PMPCA: variants seen among roughly 807,000 people sequenced by gnomAD.
PMPCA encodes peptidase, mitochondrial processing subunit alpha, also known as mitochondrial-processing peptidase subunit alpha.
PMPCA carries 47 observed loss-of-function variants against 59.3 expected under a neutral mutation model. That is an observed-to-expected ratio of 0.79 (90% CI 0.63 to 1.01). PMPCA has a LOEUF of 1.01. Among genes scored for constraint, PMPCA ranks in the 50% least tolerant of loss-of-function variants. PMPCA has a pLI of 0.00. For missense variants in PMPCA, 726 were observed against 704.5 expected (o/e 1.03, Z -0.34); for synonymous variants, 338 against 290.3 (o/e 1.16, Z -1.67).
intron 12 of PMPCA, chr9:136,422,468 G>A (rs1005662980): frequency 9.5e-7 from 1 of 1,049,988 alleles, no homozygotes; most frequent in Non-Finnish European, 1.2e-6. Flanking sequence ...TCTTCTGGGG[G>A]ACAGGCTTAA....
intron 10 of PMPCA, 50 bp downstream of exon 10, chr9:136,418,968 T>C: frequency 6.2e-7 from 1 of 1,601,138 alleles, no homozygotes; most frequent in Non-Finnish European, 8.6e-7. Flanking sequence ...TGTCCAGACC[T>C]GGGCGTCCCT....
Position 136,423,091 on chromosome 9 carries a change from C to G in PMPCA, c.1409-4C>G. On this transcript the variant is annotated splice_region_variant and splice_polypyrimidine_tract_variant and intron_variant, in intron 12 of 12. Coordinates refer to ENST00000371717, the MANE Select transcript of PMPCA (RefSeq NM_015160.3). ...GTGTGACACGCGTTTGCCCTCTGCA[C>G]TAGGCAACGTGAAGCCGGAAGATGT... is the stretch of plus-strand genomic sequence containing the variant. 1 of 1,610,680 alleles carries G rather than the reference C, an allele frequency of 6.2e-7. No homozygotes were observed. The highest frequency in any genetic ancestry group is 8.5e-7 in the Non-Finnish European group (1 of 1,178,894).
chr9:136,411,618 C>A (rs1835118926), intron 1 of PMPCA, among the ~76,000 whole-genome samples: 1 of 152,192 alleles, frequency 6.6e-6, no homozygotes, highest in Non-Finnish European at 1.5e-5. Context: ...GAGACAGAGG[C>A]CAAGTCACAC....
At chr9:136,414,419 C>A in intron 4 of PMPCA, 134 bp from the exon 5 acceptor site, 1 of 669,432 alleles carries the variant, frequency 1.5e-6, no homozygotes, top group South Asian at 1.7e-5. Flanking sequence ...GCCCAAGTGT[C>A]CCCTGGCTGT....
rs1396561542 is a variant in PMPCA, at chr9:136,412,482, A to T, written c.275-8A>T. ...GATGTAACCTGTCAATTTTCTTTTTACTACTAGTTCTTATCAATTCAGGAT... is the reference window on the plus strand; with the variant it reads ...GATGTAACCTGTCAATTTTCTTTTTTCTACTAGTTCTTATCAATTCAGGAT... On this transcript the variant is annotated splice_region_variant and splice_polypyrimidine_tract_variant and intron_variant, in intron 2 of 12. Transcript: ENST00000371717. 2.2e-6 allele frequency: 3 copies of T among 1,380,772 alleles called. No homozygotes were observed. Among genetic ancestry groups the T allele is most frequent in the Non-Finnish European group, 3.1e-6 (3 of 983,162 alleles). The allele number at this position is 1,380,772 out of a possible 1,614,324, so 85.5% of individuals were successfully genotyped here.
Position 136,416,417 on chromosome 9 carries a change from C to T in PMPCA, c.633+26C>T, listed in dbSNP as rs1336911703. On this transcript the variant is annotated intron_variant, in intron 6 of 12. Coordinates refer to ENST00000371717, the MANE Select transcript of PMPCA (RefSeq NM_015160.3). ...GTAAAATGTCAAACTCGAGAATGCC[C>T]CCGCATCTCGAACAGTGGTCCTCGG... The T allele has an allele frequency of 2.0e-6, 3 of 1,498,942 alleles. No individual in the cohort carries two copies. The East Asian group carries it at 6.8e-5, about 34-fold the overall frequency. The allele number at this position is 1,498,942 out of a possible 1,614,324, so 92.9% of individuals were successfully genotyped here.
chr9:136,422,345 G>A (rs114154524), intron 12 of PMPCA: 30,832 of 1,160,940 alleles, frequency 0.027, 521 homozygotes, highest in Middle Eastern at 0.088. Flanking sequence ...GAATGCCGCT[G>A]TACCGTTGCT....
chr9:136,419,416 A>C, intron 11 of PMPCA: 2 of 494,296 alleles, frequency 4.0e-6, no homozygotes, highest in South Asian at 2.3e-5. Context: ...TGACCATGTG[A>C]CTCTCTCAGC....
chr9:136,418,139 T>A, intron 8 of PMPCA, 30 bp downstream of exon 8: 2 of 1,493,902 alleles, frequency 1.3e-6, no homozygotes, highest in Non-Finnish European at 1.9e-6. Context: ...CTGATGGCGT[T>A]CCTGATGCAG....
intron 12 of PMPCA, 171 bp downstream of exon 12, chr9:136,422,147 G>A: frequency 6.5e-7 from 1 of 1,542,186 alleles, no homozygotes; most frequent in South Asian, 1.2e-5. Context: ...GGGTCGTGGG[G>A]TCGCAGACCT....
chr9:136,416,836 C>A, intron 6 of PMPCA, 115 bp from the exon 7 acceptor site: 1 of 913,608 alleles, frequency 1.1e-6, no homozygotes, highest in East Asian at 2.6e-5. Context: ...AGTAAAATAT[C>A]AGCTTGCGTC....
At chr9:136,418,268 G>A (rs1185727957) in intron 8 of PMPCA, among the ~76,000 whole-genome samples, 159 bp downstream of exon 8, 9 of 151,416 alleles carry the variant, frequency 5.9e-5, no homozygotes, top group Non-Finnish European at 1.3e-4. Context: ...TGCTCCTGAT[G>A]CAGTGTGGGC....
chr9:136,411,960 C>G (rs1279496370), intron 1 of PMPCA, 37 bp from the exon 2 acceptor site: 2 of 1,322,818 alleles, frequency 1.5e-6, no homozygotes, highest in Non-Finnish European at 2.2e-6. Flanking sequence ...TTTGTTGTCT[C>G]AAGCCTGTTG....
intron 2 of PMPCA, 60 bp from the exon 3 acceptor site, chr9:136,412,430 C>A: frequency 1.1e-6 from 1 of 892,312 alleles, no homozygotes; most frequent in Non-Finnish European, 1.8e-6. Flanking sequence ...AAATGTTTCT[C>A]TTGATTAAAT....
chr9:136,422,443 G>A, intron 12 of PMPCA: 1 of 1,089,056 alleles, frequency 9.2e-7, no homozygotes, highest in Non-Finnish European at 1.1e-6. Flanking sequence ...CTGCCAAGTT[G>A]TATGTGCATC....
At chr9:136,414,863 A>G (rs1226043271) in intron 5 of PMPCA, among the ~76,000 whole-genome samples, 5 of 152,202 alleles carry the variant, frequency 3.3e-5, no homozygotes, top group African/African-American at 7.2e-5. Flanking sequence ...AGGCAGGCAA[A>G]TCGCTTGAGC....
intron 5 of PMPCA, among the ~76,000 whole-genome samples, chr9:136,415,141 C>T (rs563742622): frequency 2.8e-4 from 42 of 152,296 alleles, no homozygotes; most frequent in African/African-American, 9.9e-4. Flanking sequence ...CGTGCTGGCT[C>T]ACGCCTGTAA....
At chr9:136,413,956 A>G (rs1289856370) in intron 4 of PMPCA, among the ~76,000 whole-genome samples, 1 of 152,198 alleles carries the variant, frequency 6.6e-6, no homozygotes, top group African/African-American at 2.4e-5. Context: ...ACTTGATCTC[A>G]GAGCACCCCA....
intron 5 of PMPCA, 43 bp downstream of exon 5, chr9:136,414,690 AG>A (rs1564420449): frequency 7.8e-7 from 1 of 1,285,684 alleles, no homozygotes. Context: ...GCTTGGACAT[AG>A]GGAAGACCGG....
Sources: allele counts gnomAD v4.1 joint callset (sites outside exome capture counted in the v4.1 genomes callset), GRCh38; gene constraint gnomAD v4.1.1; transcripts MANE v1.5; gene names NCBI Gene and HGNC (gene_info 2026-07-23, HGNC 2026-07-21).